NOD1: variants seen among roughly 807,000 people sequenced by gnomAD.
NOD1 encodes nucleotide binding oligomerization domain containing 1.
In NOD1, 70 loss-of-function variants were observed where a neutral mutation model predicts 81.2. The ratio of observed to expected loss-of-function variants is 0.86; its 90% CI spans 0.71 to 1.05. The LOEUF is 1.05. NOD1 is among the 50% of genes least tolerant of loss of function. The pLI is 0.00. For synonymous variants in NOD1, 508 were observed against 526.9 expected (o/e 0.96, Z 0.49); for missense variants, 1,233 against 1,228.0 (o/e 1.00, Z -0.06).
In NOD1 at chr7:30,451,587, C is replaced by T. The variant is rs748441565; in HGVS notation, c.1830G>A (p.Ala610=). ...CCTTGCGCTTTCTCCTCAGGGCTGC[C>T]GCGGGCACCAGATGCCGCAGGAGTT... The part of the protein sequence containing the change: ...KQKLLRHLVP[A]AALRRKRKAL... The change falls in exon 6 of 14, where the codon GCG becomes GCA. Residue 610 remains alanine, a synonymous_variant. Transcript: ENST00000222823. This position sits in a 1 kb window ranked among gnomAD's most constrained non-coding sequence, Gnocchi z 4.2. The T allele has an allele frequency of 1.7e-5, 27 of 1,613,584 alleles. No homozygotes were observed. Among genetic ancestry groups the T allele is most frequent in the Middle Eastern group, 1.6e-4 (1 of 6,084 alleles).
intron 8 of NOD1, 77 bp downstream of exon 8, chr7:30,446,890 G>T: frequency 8.4e-7 from 1 of 1,196,630 alleles, no homozygotes; most frequent in Non-Finnish European, 1.2e-6. Context: ...GCTCTTTACT[G>T]TGACATTTAA....
chr7:30,460,521 G>A (rs1051597751), intron 1 of NOD1: 1 of 985,232 alleles, frequency 1.0e-6, no homozygotes, highest in Non-Finnish European at 1.2e-6. Context: ...TGGAGATCCT[G>A]GTAAGACAGC....
intron 1 of NOD1, among the ~76,000 whole-genome samples, chr7:30,466,174 A>G (rs1053444772): frequency 6.6e-6 from 1 of 152,216 alleles, no homozygotes; most frequent in Non-Finnish European, 1.5e-5. Context: ...CCTTCCTTGA[A>G]AACCAACACA....
chr7:30,436,398 T>G (rs376315934), intron 10 of NOD1, among the ~76,000 whole-genome samples: 33 of 152,318 alleles, frequency 2.2e-4, no homozygotes, highest in African/African-American at 7.7e-4. Flanking sequence ...AAGCTGTCCT[T>G]CTAAAGGCTG....
chr7:30,460,124 T>A lies in NOD1; in HGVS notation c.-351-83A>T, dbSNP rs563438108. On this transcript the variant is annotated intron_variant, in intron 1 of 13. Transcript: ENST00000222823. The stretch of plus-strand genomic sequence containing the variant: ...TCCAGAGCCCTGGCTGAAGATTTAA[T>A]CAGGTGTGCAGAGTTAGCTCAATTC... 6 of 478,160 alleles carry A rather than the reference T, an allele frequency of 1.3e-5. No individual in the cohort carries two copies. In the African/African-American group the frequency reaches 1.3e-4, roughly 10 times the overall value. 29.6% of individuals were successfully genotyped at this position (478,160 alleles called of 1,614,324 possible).
At chr7:30,460,726 GA>G in intron 1 of NOD1, 1 of 971,016 alleles carries the variant, frequency 1.0e-6, no homozygotes, top group Non-Finnish European at 1.2e-6. Context: ...AGGGAGCCCC[GA>G]AGGGAGCTGG....
At chr7:30,433,371 A>C in intron 11 of NOD1, 192 bp from the exon 12 acceptor site, 1 of 568,712 alleles carries the variant, frequency 1.8e-6, no homozygotes. Context: ...CTCATTTTTA[A>C]TGCAAATCCT....
At chr7:30,433,628 C>G (rs1048349953) in intron 11 of NOD1, among the ~76,000 whole-genome samples, 1 of 152,158 alleles carries the variant, frequency 6.6e-6, no homozygotes, top group African/African-American at 2.4e-5. Flanking sequence ...GTACTTTGCT[C>G]TCAGTTAACT....
intron 1 of NOD1, chr7:30,475,780 C>A (rs138887430): frequency 4.6e-4 from 70 of 152,344 alleles, no homozygotes; most frequent in African/African-American, 1.6e-3. Context: ...GCCAGGAAGT[C>A]TTGCCTGAAT....
At chr7:30,449,254 C>T (rs1785432810) in intron 6 of NOD1, among the ~76,000 whole-genome samples, 1 of 152,170 alleles carries the variant, frequency 6.6e-6, no homozygotes, top group South Asian at 2.1e-4. Flanking sequence ...CTCAGAGTCC[C>T]CAGCTTGGTG....
chr7:30,451,476 C>T lies in NOD1; in HGVS notation c.1941G>A (p.Gln647=). 6.2e-7 allele frequency: 1 copy of T among 1,613,358 alleles called. No homozygotes were observed. Among genetic ancestry groups the T allele is most frequent in the Non-Finnish European group, 8.5e-7 (1 of 1,179,994 alleles). Residue 647 remains glutamine, a synonymous_variant, in exon 6 of 14, where the codon CAG becomes CAA. Coordinates refer to ENST00000222823, the MANE Select transcript of NOD1 (RefSeq NM_006092.4). The surrounding 1 kb of genome is among the most constrained non-coding windows in gnomAD (Gnocchi z 4.2). ...GCATCCAGATGAACGTGGGCATGGC[C>T]TGCACCTGGTTGAAGCTTTCGACCT... ...RVQVESFNQV[Q]AMPTFIWMLR...
intron 5 of NOD1, among the ~76,000 whole-genome samples, 191 bp downstream of exon 5, chr7:30,454,946 A>T (rs1156983908): frequency 1.3e-5 from 2 of 152,214 alleles, no homozygotes; most frequent in African/African-American, 4.8e-5. Context: ...CAGACCATCG[A>T]GGTGTGGGCA....
chr7:30,460,288 TACCAGAAAC>T lies in NOD1; in HGVS notation c.-351-256_-351-248del, dbSNP rs1403786995. 1.0e-5 allele frequency: 10 copies of T among 985,330 alleles called. No individual in the cohort carries two copies. The African/African-American group carries it at 1.6e-4, about 15-fold the overall frequency. The allele number at this position is 985,330 out of a possible 1,614,324, so 61.0% of individuals were successfully genotyped here. A position where few individuals can be genotyped will look rare whatever the true frequency, so the allele number is the denominator to read the frequency against. ...CAATTCGAAGTTCATGGGCACTTATTACCAGAAACACCAGACAGCCAGAGATCTGCTGGC... is the reference window on the plus strand; with the variant it reads ...CAATTCGAAGTTCATGGGCACTTATTACCAGACAGCCAGAGATCTGCTGGC... On this transcript the variant is annotated intron_variant, in intron 1 of 13. Coordinates refer to ENST00000222823, the MANE Select transcript of NOD1 (RefSeq NM_006092.4).
intron 1 of NOD1, chr7:30,469,071 T>G (rs1174255308): frequency 3.0e-6 from 3 of 985,278 alleles, no homozygotes; most frequent in Non-Finnish European, 3.6e-6. Context: ...TCAAATGGTG[T>G]CCTACTTTTC....
intron 13 of NOD1, among the ~76,000 whole-genome samples, chr7:30,426,544 C>T (rs1783472594): frequency 6.6e-6 from 1 of 152,096 alleles, no homozygotes; most frequent in East Asian, 1.9e-4. Flanking sequence ...CTGGCCTTCT[C>T]CAATTCAGTT....
In NOD1 at chr7:30,429,367, A is replaced by T; in HGVS notation, c.2789+7T>A. On this transcript the variant is annotated splice_region_variant and intron_variant, in intron 13 of 13. Transcript: ENST00000222823. ...TGTTATTACTGTGACAAACGCTGGGATCTTACCAAATCTCTGTTATGCCAG... is the reference window on the plus strand; with the variant it reads ...TGTTATTACTGTGACAAACGCTGGGTTCTTACCAAATCTCTGTTATGCCAG... The T allele has an allele frequency of 1.2e-6, 2 of 1,612,164 alleles. No homozygotes were observed. The highest frequency in any genetic ancestry group is 1.7e-6 in the Non-Finnish European group (2 of 1,178,096).
chr7:30,462,662 C>T (rs1296452553), intron 1 of NOD1, among the ~76,000 whole-genome samples: 1 of 152,020 alleles, frequency 6.6e-6, no homozygotes, highest in Non-Finnish European at 1.5e-5. Flanking sequence ...CAAAAGAGTA[C>T]TTAGGGCTGG....
At chr7:30,460,360 G>T in intron 1 of NOD1, 1 of 985,422 alleles carries the variant, frequency 1.0e-6, no homozygotes, top group Non-Finnish European at 1.2e-6. Context: ...GCTTGGTAAA[G>T]GGTGGGTCCA....
At chr7:30,455,114 G>C (rs200106268) in intron 5 of NOD1, 23 bp downstream of exon 5, 206 of 1,609,582 alleles carry the variant, frequency 1.3e-4, no homozygotes, top group Non-Finnish European at 1.7e-4. Context: ...GGTGCCTGCG[G>C]TCTTGCTGGG....
Sources: gnomAD v4.1 joint callset for allele counts (sites outside exome capture counted in the v4.1 genomes callset) on GRCh38, gnomAD v4.1.1 for gene constraint, Gnocchi (gnomAD v3.1) non-coding constraint, MANE v1.5 for transcripts, NCBI Gene and HGNC (gene_info 2026-07-23, HGNC 2026-07-21) for gene names.